MRPL33: variants seen among roughly 807,000 people sequenced by gnomAD.
MRPL33 encodes the protein mitochondrial ribosomal protein L33, also known as large ribosomal subunit protein bL33m.
In MRPL33, 5 loss-of-function variants were observed where a neutral mutation model predicts 10.1. The observed-to-expected ratio is 0.49, with a 90% CI of 0.26 to 1.04. The LOEUF is 1.04. MRPL33 is among the 50% of genes least tolerant of loss of function. The pLI is 0.14. For missense variants in MRPL33, 79 were observed against 78.1 expected (o/e 1.01, Z -0.04); for synonymous variants, 24 against 27.7 (o/e 0.87, Z 0.42).
chr2:27,771,729 G>C lies in MRPL33; in HGVS notation c.-49G>C, dbSNP rs139527401. ...CCGTGCCCCGGAAGCAGTTGTTGTT[G>C]GTTGGGGGCCTTTTGGCCGGTGACG... On this transcript the variant is annotated 5_prime_UTR_variant, in exon 1 of 4. Coordinates refer to ENST00000296102, the MANE Select transcript of MRPL33 (RefSeq NM_004891.4). 19 of 1,612,642 alleles carry C rather than the reference G, an allele frequency of 1.2e-5. No individual in the cohort carries two copies. In the South Asian group the frequency reaches 1.6e-4, roughly 14 times the overall value.
Position 27,779,538 on chromosome 2 carries a change from T to TG in MRPL33, c.*57dup, listed in dbSNP as rs1191761134. 3 of 1,611,480 alleles carry TG rather than the reference T, an allele frequency of 1.9e-6. No individual in the cohort carries two copies. The highest frequency in any genetic ancestry group is 2.5e-6 in the Non-Finnish European group (3 of 1,179,290). ...AAGAGAAGACTGAGGGCGGGGATACTGATTCAGAAATCCTGTAGCGTGTAA... is the reference window on the plus strand; with the variant it reads ...AAGAGAAGACTGAGGGCGGGGATACTGGATTCAGAAATCCTGTAGCGTGTAA... On this transcript the variant is annotated 3_prime_UTR_variant, in exon 4 of 4. Coordinates refer to ENST00000296102, the MANE Select transcript of MRPL33 (RefSeq NM_004891.4).
chr2:27,773,462 C>G (rs1435451563), intron 2 of MRPL33, among the ~76,000 whole-genome samples: 1 of 152,208 alleles, frequency 6.6e-6, no homozygotes, highest in Non-Finnish European at 1.5e-5. Flanking sequence ...ATAGGAATCT[C>G]TTGCCTTTGG....
At chr2:27,772,624 T>A (rs1446834308) in intron 1 of MRPL33, 50 bp from the exon 2 acceptor site, 1 of 1,427,142 alleles carries the variant, frequency 7.0e-7, no homozygotes, top group East Asian at 2.4e-5. Flanking sequence ...AGAAAGAGAA[T>A]ACATTTATAT....
chr2:27,771,991 GC>G (rs1361519497), intron 1 of MRPL33, 192 bp downstream of exon 1: 1 of 611,008 alleles, frequency 1.6e-6, no homozygotes, highest in Non-Finnish European at 2.8e-6. Context: ...ACCTGTGGGT[GC>G]CTGAGAAGGG....
In MRPL33 at chr2:27,774,419, C is replaced by G; in HGVS notation, c.42-5C>G. On this transcript the variant is annotated splice_region_variant and splice_polypyrimidine_tract_variant and intron_variant, in intron 2 of 3. Transcript: ENST00000296102. ...CGTACATAACAGCGTACTTTTTAAT[C>G]TTAGAAACATTCTGGTGAGAATGGT... 1 of 1,612,954 alleles carries G rather than the reference C, an allele frequency of 6.2e-7. No individual in the cohort carries two copies. Among genetic ancestry groups the G allele is most frequent in the Non-Finnish European group, 8.5e-7 (1 of 1,178,970 alleles).
At position 27,772,611 on chromosome 2, in the gene MRPL33, A is replaced by G. The variant is rs1677075345; in HGVS notation, c.23-63A>G. On this transcript the variant is annotated intron_variant, in intron 1 of 3. Transcript: ENST00000296102. ...TTACTGATATTTATATGAACTTTGC[A>G]TAAGAAAGAGAATACATTTATATTT... The G allele has an allele frequency of 1.4e-5, 19 of 1,318,330 alleles. No individual in the cohort carries two copies. In the South Asian group the frequency reaches 2.4e-4, roughly 16 times the overall value. 81.7% of individuals were successfully genotyped at this position (1,318,330 alleles called of 1,614,324 possible).
At chr2:27,772,268 G>A (rs142678940) in intron 1 of MRPL33, 79 of 236,408 alleles carry the variant, frequency 3.3e-4, no homozygotes, top group African/African-American at 1.7e-3. Context: ...GTTAGATTTA[G>A]TATCTGGTTT....
intron 3 of MRPL33, 115 bp downstream of exon 3, chr2:27,774,645 T>C: frequency 2.6e-6 from 2 of 757,808 alleles, no homozygotes; most frequent in Non-Finnish European, 4.6e-6. Context: ...ATTTAGTAAA[T>C]AGGTATTGAA....
chr2:27,776,858 A>G (rs941023978), intron 3 of MRPL33, among the ~76,000 whole-genome samples: 4 of 152,236 alleles, frequency 2.6e-5, no homozygotes, highest in East Asian at 1.9e-4. Flanking sequence ...TGTCATTTCA[A>G]CTCAGTGTTG....
chr2:27,779,498 TGAC>T lies in MRPL33; in HGVS notation c.*17_*19del. 3 of 1,613,208 alleles carry T rather than the reference TGAC, an allele frequency of 1.9e-6. No individual in the cohort carries two copies. The highest frequency in any genetic ancestry group is 2.5e-6 in the Non-Finnish European group (3 of 1,179,750). ...CTCCCTTTAAACGGTGGATTGAAAA[TGAC>T]TTTGATTTATAAAGAGAAGACTGAG... On this transcript the variant is annotated 3_prime_UTR_variant, in exon 4 of 4. Coordinates refer to ENST00000296102, the MANE Select transcript of MRPL33 (RefSeq NM_004891.4).
chr2:27,771,972 C>T (rs1312588828), intron 1 of MRPL33, 173 bp downstream of exon 1: 6 of 668,374 alleles, frequency 9.0e-6, no homozygotes, highest in Non-Finnish European at 1.5e-5. Context: ...GGCGCGCCTC[C>T]CTGCGCGGAC....
intron 3 of MRPL33, among the ~76,000 whole-genome samples, chr2:27,776,690 C>T (rs1677180474): frequency 6.6e-6 from 1 of 152,138 alleles, no homozygotes; most frequent in Admixed American, 6.5e-5. Context: ...AGTTTTAATT[C>T]CTTGGATGAC....
At chr2:27,774,742 G>A (rs560089887) in intron 3 of MRPL33, among the ~76,000 whole-genome samples, 12 of 152,346 alleles carry the variant, frequency 7.9e-5, no homozygotes, top group Admixed American at 7.8e-4. Flanking sequence ...ACTTAGTCTA[G>A]TCTGAGAGGG....
intron 2 of MRPL33, 55 bp downstream of exon 2, chr2:27,772,747 G>C: frequency 7.1e-7 from 1 of 1,399,360 alleles, no homozygotes; most frequent in South Asian, 1.2e-5. Flanking sequence ...GGATTTGTTA[G>C]TCTAGCTGCT....
intron 3 of MRPL33, among the ~76,000 whole-genome samples, chr2:27,778,555 TTTC>T (rs1257831958): frequency 3.9e-5 from 6 of 152,126 alleles, no homozygotes; most frequent in Admixed American, 1.3e-4. Flanking sequence ...TCTTCAATCT[TTTC>T]TTTTTTTTTT....
chr2:27,771,772 G>A lies in MRPL33; in HGVS notation c.-6G>A. 1 of 1,614,184 alleles carries A rather than the reference G, an allele frequency of 6.2e-7. No homozygotes were observed. The highest frequency in any genetic ancestry group is 2.2e-5 in the East Asian group (1 of 44,870). ...CGGTGACGGAGACTGCCCAGGTGTG[G>A]TCACCATGTTCCTCTCCGCGGTCTT... is the stretch of plus-strand genomic sequence containing the variant. On this transcript the variant is annotated 5_prime_UTR_variant, in exon 1 of 4. Transcript: ENST00000296102.
chr2:27,771,762 C>T lies in MRPL33; in HGVS notation c.-16C>T, dbSNP rs377034352. 3.1e-6 allele frequency: 5 copies of T among 1,613,996 alleles called. No homozygotes were observed. Among genetic ancestry groups the T allele is most frequent in the Admixed American group, 3.3e-5 (2 of 60,004 alleles). ...GCCTTTTGGCCGGTGACGGAGACTGCCCAGGTGTGGTCACCATGTTCCTCT... is the reference window on the plus strand; with the variant it reads ...GCCTTTTGGCCGGTGACGGAGACTGTCCAGGTGTGGTCACCATGTTCCTCT... On this transcript the variant is annotated 5_prime_UTR_variant, in exon 1 of 4. Transcript: ENST00000296102.
At chr2:27,772,510 G>A (rs1255995971) in intron 1 of MRPL33, 164 bp from the exon 2 acceptor site, 1 of 576,964 alleles carries the variant, frequency 1.7e-6, no homozygotes, top group Non-Finnish European at 3.0e-6. Context: ...AATCCTAAGG[G>A]GATCCCTAAT....
rs1396168448 is a variant in MRPL33, at chr2:27,771,735, G to T, written c.-43G>T. On this transcript the variant is annotated 5_prime_UTR_variant, in exon 1 of 4. Coordinates refer to ENST00000296102, the MANE Select transcript of MRPL33 (RefSeq NM_004891.4). ...CCCGGAAGCAGTTGTTGTTGGTTGGGGGCCTTTTGGCCGGTGACGGAGACT... is the reference window on the plus strand; with the variant it reads ...CCCGGAAGCAGTTGTTGTTGGTTGGTGGCCTTTTGGCCGGTGACGGAGACT... 6.8e-6 allele frequency: 11 copies of T among 1,613,518 alleles called. No homozygotes were observed. The highest frequency in any genetic ancestry group is 9.3e-6 in the Non-Finnish European group (11 of 1,179,598).
Sources: allele counts gnomAD v4.1 joint callset (sites outside exome capture counted in the v4.1 genomes callset), GRCh38; gene constraint gnomAD v4.1.1; transcripts MANE v1.5; gene names NCBI Gene and HGNC (gene_info 2026-07-23, HGNC 2026-07-21).